Variants in IQGAP2 observed in about 807,000 individuals in gnomAD.
IQGAP2 encodes the protein ras GTPase-activating-like protein IQGAP2.
Under a neutral mutation model 201.3 loss-of-function variants are expected in IQGAP2, and 173 were observed. That is an observed-to-expected ratio of 0.86 (90% CI 0.76 to 0.98). IQGAP2 has a LOEUF of 0.98. IQGAP2 is among the 50% of genes least tolerant of loss of function. IQGAP2 has a pLI of 0.00. For synonymous variants in IQGAP2, 675 were observed against 673.9 expected, an observed-to-expected ratio of 1.00 and a Z score of -0.03; for missense variants, 1,687 against 1,864.8, an observed-to-expected ratio of 0.90 and a Z score of 1.76.
intron 2 of IQGAP2, among the ~76,000 whole-genome samples, chr5:76,537,904 G>A (rs1266619948): frequency 6.6e-6 from 1 of 152,188 alleles, no homozygotes; most frequent in Non-Finnish European, 1.5e-5. Context: ...ATATGGGGGT[G>A]CCACCACTGC....
intron 3 of IQGAP2, among the ~76,000 whole-genome samples, chr5:76,566,567 G>T (rs2150262593): frequency 6.6e-6 from 1 of 152,228 alleles, no homozygotes; most frequent in African/African-American, 2.4e-5. Context: ...TATGTTGAGG[G>T]GACAGCAATC....
chr5:76,451,660 A>G (rs939642595), intron 1 of IQGAP2, among the ~76,000 whole-genome samples: 2 of 152,248 alleles, frequency 1.3e-5, no homozygotes, highest in African/African-American at 4.8e-5. Flanking sequence ...AGTTAGATGC[A>G]TGAAAGTCAT....
At chr5:76,646,657 A>G (rs1171105618) in intron 17 of IQGAP2, among the ~76,000 whole-genome samples, 1 of 152,208 alleles carries the variant, frequency 6.6e-6, no homozygotes, top group Non-Finnish European at 1.5e-5. Context: ...CTGCAAAAGC[A>G]TTTGATAGAA....
intron 2 of IQGAP2, among the ~76,000 whole-genome samples, chr5:76,500,216 A>T (rs541511090): frequency 6.6e-6 from 1 of 152,344 alleles, no homozygotes; most frequent in Admixed American, 6.5e-5. Flanking sequence ...TTCCTGAAAG[A>T]ATAGACATTT....
chr5:76,576,720 C>G (rs894815966), intron 5 of IQGAP2, among the ~76,000 whole-genome samples: 3 of 152,068 alleles, frequency 2.0e-5, no homozygotes, highest in Non-Finnish European at 4.4e-5. Flanking sequence ...GACTTTTTCC[C>G]CCAGTCAGTA....
intron 2 of IQGAP2, among the ~76,000 whole-genome samples, chr5:76,557,697 A>AT (rs1744043846): frequency 6.6e-6 from 1 of 152,250 alleles, no homozygotes; most frequent in Non-Finnish European, 1.5e-5. Context: ...GAAAGAAGAA[A>AT]TGGCCTTTGC....
intron 2 of IQGAP2, among the ~76,000 whole-genome samples, chr5:76,531,188 A>T (rs1354203458): frequency 6.6e-6 from 1 of 152,134 alleles, no homozygotes; most frequent in Non-Finnish European, 1.5e-5. Context: ...CATCCTCTGG[A>T]GGAGAACACC....
rs535828837 is a variant in IQGAP2 at position 76,403,674 on chromosome 5, C to G, written c.46+83C>G. The G allele has an allele frequency of 1.0e-4, 125 of 1,216,108 alleles. No individual in the cohort carries two copies. In the African/African-American group the frequency reaches 1.8e-3, roughly 18 times the overall value. 75.3% of individuals were successfully genotyped at this position (1,216,108 alleles called of 1,614,324 possible). ...ACGGCGTTGGAGAAGCCGAGGGAGC[C>G]GGTTGCGCGGCGCAGAGGAAATTGG... is the stretch of plus-strand genomic sequence containing the variant. On this transcript the variant is annotated intron_variant, in intron 1 of 35. Transcript: ENST00000274364. This position sits in a 1 kb window ranked among gnomAD's most constrained non-coding sequence, Gnocchi z 4.8.
rs113635750 is a variant in IQGAP2 at position 76,640,279 on chromosome 5, C to T, written c.1924-654C>T. ...TAAGAGTCATCAGCTGTAGAAGTGA[C>T]AGTCCAGTCTTTCTTTGCATCTCTC... On this transcript the variant is annotated intron_variant, in intron 16 of 35. Transcript: ENST00000274364. Among the ~76,000 whole-genome samples the T allele has an allele frequency of 3.9e-5, 6 of 152,300 alleles. 1 individual carries two copies. Among genetic ancestry groups the T allele is most frequent in the African/African-American group, 1.4e-4 (6 of 41,568 alleles).
At chr5:76,607,979 TGTTA>T (rs765673193) in intron 12 of IQGAP2, 7 of 152,254 alleles carry the variant, frequency 4.6e-5, no homozygotes, top group Admixed American at 6.5e-5. Context: ...AATGAAGGTA[TGTTA>T]GTTCTCAGTG....
intron 22 of IQGAP2, among the ~76,000 whole-genome samples, chr5:76,668,174 T>C (rs1743961492): frequency 6.6e-6 from 1 of 152,194 alleles, no homozygotes. Flanking sequence ...TGAGCCACCA[T>C]GCCCAAGCTT....
chr5:76,496,310 T>C (rs973979893), intron 2 of IQGAP2, among the ~76,000 whole-genome samples: 1 of 152,176 alleles, frequency 6.6e-6, no homozygotes, highest in African/African-American at 2.4e-5. Context: ...TGGGTTCTCA[T>C]CTGTAGGCTC....
intron 2 of IQGAP2, among the ~76,000 whole-genome samples, chr5:76,489,488 G>A (rs1209711718): frequency 6.6e-6 from 1 of 152,038 alleles, no homozygotes; most frequent in African/African-American, 2.4e-5. Context: ...TTTAGATGGA[G>A]TCTCGCTCTG....
intron 2 of IQGAP2, among the ~76,000 whole-genome samples, chr5:76,491,141 G>A (rs1325066624): frequency 6.6e-6 from 1 of 152,026 alleles, no homozygotes; most frequent in East Asian, 1.9e-4. Context: ...TTTCTGTCTT[G>A]CATGTTGTCC....
chr5:76,440,928 G>C (rs1178824477), intron 1 of IQGAP2, among the ~76,000 whole-genome samples: 1 of 152,096 alleles, frequency 6.6e-6, no homozygotes, highest in Admixed American at 6.6e-5. Flanking sequence ...CTACTCGGGA[G>C]GTTGAGGCAG....
rs1752748182 is a variant in IQGAP2, at chr5:76,654,415, T to C, written c.2250+144T>C. ...TGGATCTTAGAACTTCATATGATAA[T>C]ATTTGGAGGCTTACTGTTTTCATTC... is the stretch of plus-strand genomic sequence containing the variant. On this transcript the variant is annotated intron_variant, in intron 19 of 35. Coordinates refer to ENST00000274364, the MANE Select transcript of IQGAP2 (RefSeq NM_006633.5). 3 of 568,312 alleles carry C rather than the reference T, an allele frequency of 5.3e-6. No homozygotes were observed. In the South Asian group the frequency reaches 7.3e-5, roughly 14 times the overall value. The allele number at this position is 568,312 out of a possible 1,614,324, so 35.2% of individuals were successfully genotyped here.
At chr5:76,543,520 C>T (rs1459166446) in intron 2 of IQGAP2, among the ~76,000 whole-genome samples, 1 of 152,146 alleles carries the variant, frequency 6.6e-6, no homozygotes, top group African/African-American at 2.4e-5. Flanking sequence ...GATCATTTGC[C>T]CAGGAGATGG....
chr5:76,484,661 T>TA, intron 2 of IQGAP2, among the ~76,000 whole-genome samples: 1 of 152,156 alleles, frequency 6.6e-6, no homozygotes, highest in African/African-American at 2.4e-5. Flanking sequence ...ATAAAAAAAT[T>TA]AAAAAAAGAA....
intron 2 of IQGAP2, among the ~76,000 whole-genome samples, chr5:76,521,007 T>C (rs765841343): frequency 3.9e-5 from 6 of 152,178 alleles, no homozygotes; most frequent in Non-Finnish European, 7.4e-5. Flanking sequence ...ACGCCCGGCC[T>C]AGGTCTCTCC....
Sources: gnomAD v4.1 joint callset for allele counts (sites outside exome capture counted in the v4.1 genomes callset) on GRCh38, gnomAD v4.1.1 for gene constraint, Gnocchi (gnomAD v3.1) non-coding constraint, MANE v1.5 for transcripts, NCBI Gene and HGNC (gene_info 2026-07-23, HGNC 2026-07-21) for gene names.